The following NUP98 variants were observed in gnomAD, a reference collection of about 807,000 sequenced individuals.
NUP98 encodes nuclear pore complex protein Nup98-Nup96.
In NUP98, 26 loss-of-function variants were observed where a neutral mutation model predicts 191.9. The ratio of observed to expected loss-of-function variants is 0.14; its 90% CI spans 0.10 to 0.19. The LOEUF is 0.19. Ranked by LOEUF, NUP98 falls within the 10% of genes least tolerant of loss-of-function variation. The pLI is 1.00. For synonymous variants in NUP98, 808 were observed against 778.4 expected (o/e 1.04, Z -0.63); for missense variants, 1,941 against 2,178.8 (o/e 0.89, Z 2.17).
At chr11:3,763,163 T>C in intron 8 of NUP98, 124 bp from the exon 9 acceptor site, 3 of 817,126 alleles carry the variant, frequency 3.7e-6, no homozygotes, top group Non-Finnish European at 5.6e-6. Flanking sequence ...CTAAATAACT[T>C]ATATAGATTA....
At chr11:3,718,006 A>G (rs1193588302) in intron 18 of NUP98, among the ~76,000 whole-genome samples, 1 of 152,152 alleles carries the variant, frequency 6.6e-6, no homozygotes, top group African/African-American at 2.4e-5. Context: ...CTTTTTCATC[A>G]ATATACTCAT....
chr11:3,752,261 T>C (rs981707957), intron 11 of NUP98, among the ~76,000 whole-genome samples: 13 of 151,622 alleles, frequency 8.6e-5, no homozygotes, highest in African/African-American at 3.1e-4. Flanking sequence ...CTCACACCTG[T>C]AATCCCAGCA....
In NUP98 at chr11:3,683,366, T is replaced by C. The variant is rs756916574; in HGVS notation, c.4752A>G (p.Lys1584=). The change falls in exon 30 of 33, where the codon AAA becomes AAG. Residue 1584 remains lysine, a synonymous_variant. Transcript: ENST00000324932. ...QLLETPESWA[K]ETFLTQKLRV... ...GGAGCTTCTGGGTAAGGAAAGTCTC[T>C]TTAGCCCAAGATTCAGGGGTCTCCA... 6.2e-6 allele frequency: 10 copies of C among 1,614,160 alleles called. No individual in the cohort carries two copies. Among genetic ancestry groups the C allele is most frequent in the Non-Finnish European group, 7.6e-6 (9 of 1,180,020 alleles).
chr11:3,756,397 TA>T, intron 10 of NUP98, among the ~76,000 whole-genome samples: 1 of 152,270 alleles, frequency 6.6e-6, no homozygotes, highest in African/African-American at 2.4e-5. Context: ...ACAACTCAGA[TA>T]AAGATGACAC....
intron 8 of NUP98, among the ~76,000 whole-genome samples, chr11:3,764,243 T>A (rs2081266810): frequency 1.3e-5 from 2 of 152,242 alleles, no homozygotes; most frequent in African/African-American, 4.8e-5. Context: ...GTTAGCACAT[T>A]TTCAAGGTTC....
intron 13 of NUP98, among the ~76,000 whole-genome samples, chr11:3,734,983 C>A (rs751785946): frequency 2.6e-5 from 4 of 152,186 alleles, no homozygotes; most frequent in Admixed American, 1.3e-4. Flanking sequence ...CAGCATTGAT[C>A]TTCAGTGTAG....
chr11:3,763,752 T>G (rs773906540), intron 8 of NUP98, among the ~76,000 whole-genome samples: 1 of 152,108 alleles, frequency 6.6e-6, no homozygotes, highest in Non-Finnish European at 1.5e-5. Flanking sequence ...TTTCACAATG[T>G]GCCCAGGCTG....
intron 22 of NUP98, among the ~76,000 whole-genome samples, chr11:3,704,621 A>T (rs1471855261): frequency 6.6e-6 from 1 of 152,226 alleles, no homozygotes; most frequent in Non-Finnish European, 1.5e-5. Context: ...TCATAAGCAA[A>T]CAAAAACATG....
At chr11:3,747,333 C>T (rs1241824857) in intron 11 of NUP98, among the ~76,000 whole-genome samples, 1 of 152,072 alleles carries the variant, frequency 6.6e-6, no homozygotes, top group Non-Finnish European at 1.5e-5. Context: ...CTATTAGCAC[C>T]AGAAAGATTT....
At chr11:3,700,980 T>G (rs2078659023) in intron 23 of NUP98, 141 bp from the exon 24 acceptor site, 1 of 657,028 alleles carries the variant, frequency 1.5e-6, no homozygotes, top group African/African-American at 1.8e-5. Context: ...AAATTTTGTT[T>G]CTTAAACTAT....
At chr11:3,757,020 G>A (rs553993656) in intron 10 of NUP98, among the ~76,000 whole-genome samples, 218 of 151,428 alleles carry the variant, frequency 1.4e-3, no homozygotes, top group African/African-American at 5.0e-3. Context: ...CCCGGGAAGC[G>A]GAGCTTGCAG....
In NUP98 at chr11:3,723,349, G is replaced by C; in HGVS notation, c.1954C>G (p.Gln652Glu). 1 of 1,614,092 alleles carries C rather than the reference G, an allele frequency of 6.2e-7. No homozygotes were observed. The highest frequency in any genetic ancestry group is 8.5e-7 in the Non-Finnish European group (1 of 1,180,004). Residue 652 changes from glutamine to glutamate, a missense_variant, in exon 16 of 33, where the codon CAA becomes GAA. Gln to Glu is a conservative substitution (Grantham distance 29, BLOSUM62 2). This residue lies in a region of NUP98 where 453 missense variants were observed against 438.2 expected (regional missense o/e 1.03). Transcript: ENST00000324932. ...TTATTTCCAGCACTTTCTGGGGTTT[G>C]AGGAATAGGTTTGGCAATAGGGTTA... ...YTNPIAKPIP[Q>E]TPESAGNKHS... is the part of the protein sequence containing the mutation.
intron 11 of NUP98, among the ~76,000 whole-genome samples, chr11:3,749,100 A>G (rs1433878980): frequency 6.8e-6 from 1 of 146,686 alleles, no homozygotes; most frequent in Non-Finnish European, 1.5e-5. Flanking sequence ...TGAGGTCAGG[A>G]GATCGAGACC....
chr11:3,740,539 T>C (rs1589849861), intron 12 of NUP98, among the ~76,000 whole-genome samples: 2 of 149,842 alleles, frequency 1.3e-5, no homozygotes, highest in Admixed American at 6.7e-5. Context: ...AGAAATGAAG[T>C]TTATATAGAA....
intron 1 of NUP98, among the ~76,000 whole-genome samples, chr11:3,788,085 G>C (rs2082204325): frequency 6.6e-6 from 1 of 152,144 alleles, no homozygotes; most frequent in South Asian, 2.1e-4. Flanking sequence ...CAATATATTT[G>C]TTATTATACC....
At chr11:3,783,438 C>T (rs1448254654) in intron 1 of NUP98, among the ~76,000 whole-genome samples, 2 of 152,120 alleles carry the variant, frequency 1.3e-5, no homozygotes, top group African/African-American at 2.4e-5. Context: ...GTGGCTCACG[C>T]CTGTAATCCC....
chr11:3,783,763 T>C (rs1194686859), intron 1 of NUP98, among the ~76,000 whole-genome samples: 2 of 152,048 alleles, frequency 1.3e-5, no homozygotes, highest in African/African-American at 4.8e-5. Flanking sequence ...GTATCCAAAC[T>C]ATGCACCCGG....
intron 23 of NUP98, among the ~76,000 whole-genome samples, chr11:3,701,254 A>C (rs2078667261): frequency 7.3e-6 from 1 of 136,454 alleles, no homozygotes; most frequent in Non-Finnish European, 1.5e-5. Flanking sequence ...GGCTTGTTCC[A>C]ATTTTTTTTT....
At chr11:3,772,716 G>A (rs2081570145) in intron 6 of NUP98, among the ~76,000 whole-genome samples, 2 of 151,966 alleles carry the variant, frequency 1.3e-5, no homozygotes, top group Non-Finnish European at 2.9e-5. Context: ...TCAGGAGGCT[G>A]AGGCAGGAGA....
Sources: allele counts gnomAD v4.1 joint callset (sites outside exome capture counted in the v4.1 genomes callset), GRCh38; gene constraint gnomAD v4.1.1; regional missense constraint gnomAD v4.1.1; transcripts MANE v1.5; gene names NCBI Gene and HGNC (gene_info 2026-07-23, HGNC 2026-07-21).